The following ANK3 variants were observed in gnomAD, a reference collection of about 807,000 sequenced individuals.
ANK3 encodes the protein ankyrin 3, also known as ankyrin-3.
Under a neutral mutation model 370.9 loss-of-function variants are expected in ANK3, and 57 were observed. The ratio of observed to expected loss-of-function variants is 0.15; its 90% CI spans 0.12 to 0.19. The LOEUF (loss-of-function observed/expected upper bound fraction) is 0.19, where lower values mean the gene tolerates loss of function less well. Among genes scored for constraint, ANK3 ranks in the 10% least tolerant of loss-of-function variants. The probability of loss-of-function intolerance (pLI) is 1.00; values close to 1 mark genes in which losing one functional copy is unlikely to be tolerated. For missense variants in ANK3, 4,439 were observed against 5,302.1 expected, an observed-to-expected ratio of 0.84 and a Z score of 5.06; for synonymous variants, 1,929 against 1,946.3, an observed-to-expected ratio of 0.99 and a Z score of 0.23.
rs1368309459 is a variant in ANK3 at position 60,069,312 on chromosome 10, T to G, written c.11569A>C (p.Ile3857Leu). 1 of 1,614,172 alleles carries G rather than the reference T, an allele frequency of 6.2e-7. No individual in the cohort carries two copies. The highest frequency in any genetic ancestry group is 1.3e-5 in the African/African-American group (1 of 75,042). Residue 3857 changes from isoleucine (I) to leucine (L), a missense_variant, in exon 37 of 44, where the codon ATA becomes CTA. Around this residue, in one of 13 missense-constraint regions of ANK3, gnomAD observed 496 missense variants for 529.3 expected, o/e 0.94. Transcript: ENST00000280772. ...AGTTTGGATTTTTGCCTAATCCCTA[T>G]CAATTCCTTTGTTTTTTGCTGTTCT... The part of the protein sequence containing the change: ...LGEQQKTKEL[I>L]GIRQKSKLPI...
chr10:60,484,597 G>A (rs1337708045), intron 2 of ANK3, among the ~76,000 whole-genome samples: 3 of 152,060 alleles, frequency 2.0e-5, no homozygotes, highest in African/African-American at 7.2e-5. Flanking sequence ...ATTGAGTGAA[G>A]AGCCTGGTAA....
At chr10:60,116,745 C>A (rs781668426) in intron 25 of ANK3, among the ~76,000 whole-genome samples, 2 of 149,670 alleles carry the variant, frequency 1.3e-5, no homozygotes, top group Non-Finnish European at 3.0e-5. Context: ...TTCAAATCCT[C>A]CCCTCAGTCT....
At chr10:60,363,878 A>G (rs1316827227) in intron 1 of ANK3, among the ~76,000 whole-genome samples, 1 of 152,154 alleles carries the variant, frequency 6.6e-6, no homozygotes, top group African/African-American at 2.4e-5. Flanking sequence ...AAAACATCGT[A>G]AGTTTTTATA....
intron 1 of ANK3, among the ~76,000 whole-genome samples, chr10:60,388,744 T>A (rs948236568): frequency 3.9e-5 from 6 of 152,160 alleles, no homozygotes; most frequent in African/African-American, 1.2e-4. Flanking sequence ...GGTTGCAGGT[T>A]ACTGGAATTC....
intron 23 of ANK3, among the ~76,000 whole-genome samples, chr10:60,164,207 T>C (rs1466367350): frequency 2.6e-5 from 4 of 152,180 alleles, no homozygotes; most frequent in Non-Finnish European, 4.4e-5. Context: ...CAAATGTGGC[T>C]TACTAGAGCT....
chr10:60,584,824 C>T (rs1459033441), intron 2 of ANK3, among the ~76,000 whole-genome samples: 3 of 152,018 alleles, frequency 2.0e-5, no homozygotes, highest in Non-Finnish European at 2.9e-5. Flanking sequence ...ATTCCCAATC[C>T]AGTTTGACGA....
intron 9 of ANK3, among the ~76,000 whole-genome samples, chr10:60,211,947 T>C (rs2096863738): frequency 6.7e-6 from 1 of 148,922 alleles, no homozygotes; most frequent in African/African-American, 2.5e-5. Context: ...TTAGGGACAT[T>C]TGGGAAACAG....
At chr10:60,584,421 A>G (rs558828058) in intron 2 of ANK3, among the ~76,000 whole-genome samples, 2 of 149,082 alleles carry the variant, frequency 1.3e-5, no homozygotes, top group East Asian at 4.0e-4. Context: ...GGGTTCAAGG[A>G]CAGCCGAGGC....
chr10:60,387,114 C>T (rs2062479377), intron 1 of ANK3, among the ~76,000 whole-genome samples: 1 of 151,558 alleles, frequency 6.6e-6, no homozygotes, highest in African/African-American at 2.4e-5. Context: ...GAGCCGAGAT[C>T]ATGCCACTGC....
intron 2 of ANK3, among the ~76,000 whole-genome samples, chr10:60,608,880 C>T (rs1286784785): frequency 6.6e-6 from 1 of 152,120 alleles, no homozygotes; most frequent in African/African-American, 2.4e-5. Context: ...GAAACCTTGA[C>T]CCTTTTGAAA....
intron 20 of ANK3, among the ~76,000 whole-genome samples, 179 bp from the exon 21 acceptor site, chr10:60,172,582 G>A (rs2095821576): frequency 6.6e-6 from 1 of 152,226 alleles, no homozygotes; most frequent in Non-Finnish European, 1.5e-5. Context: ...AGCAAAGTCT[G>A]GGCAGCTACA....
At chr10:60,046,808 AT>A (rs10632318) in intron 42 of ANK3, among the ~76,000 whole-genome samples, 76 of 138,654 alleles carry the variant, frequency 5.5e-4, no homozygotes, top group African/African-American at 6.0e-4. Flanking sequence ...AGTAATCTCA[AT>A]TTTTTTTTTT....
chr10:60,537,786 T>C (rs1193366602), intron 2 of ANK3, among the ~76,000 whole-genome samples: 1 of 151,970 alleles, frequency 6.6e-6, no homozygotes, highest in East Asian at 1.9e-4. Flanking sequence ...TTGGAATATA[T>C]GGCTTATTGG....
chr10:60,647,566 A>C (rs979455334), intron 1 of ANK3, among the ~76,000 whole-genome samples: 21 of 151,898 alleles, frequency 1.4e-4, no homozygotes, highest in African/African-American at 4.3e-4. Context: ...AAGAATCTCA[A>C]TTTAAATAAA....
intron 43 of ANK3, among the ~76,000 whole-genome samples, chr10:60,035,822 G>A (rs571597995): frequency 4.0e-5 from 6 of 150,916 alleles, no homozygotes; most frequent in South Asian, 2.1e-4. Context: ...AAACCCCATC[G>A]CTACTAAAAA....
intron 2 of ANK3, among the ~76,000 whole-genome samples, chr10:60,502,937 C>T (rs1020544745): frequency 4.0e-5 from 6 of 150,078 alleles, no homozygotes; most frequent in African/African-American, 9.8e-5. Flanking sequence ...AGAAAAGGAA[C>T]GAAGGAAGGA....
At chr10:60,053,814 C>T in intron 42 of ANK3, 1 of 1,085,462 alleles carries the variant, frequency 9.2e-7, no homozygotes, top group Non-Finnish European at 1.2e-6. Flanking sequence ...TATGGTATAG[C>T]CACAAACGAT....
intron 1 of ANK3, among the ~76,000 whole-genome samples, chr10:60,376,962 T>C (rs2060868208): frequency 1.3e-5 from 2 of 152,220 alleles, no homozygotes; most frequent in Admixed American, 1.3e-4. Flanking sequence ...TGAAGAGGCA[T>C]AGTAAAACAG....
chr10:60,226,002 A>G (rs540580527), intron 8 of ANK3, among the ~76,000 whole-genome samples: 267 of 145,714 alleles, frequency 1.8e-3, no homozygotes, highest in African/African-American at 6.3e-3. Context: ...TAATTCCTAT[A>G]ATGTAATAAG....
Sources: allele counts gnomAD v4.1 joint callset (sites outside exome capture counted in the v4.1 genomes callset), GRCh38; gene constraint gnomAD v4.1.1; regional missense constraint gnomAD v4.1.1; transcripts MANE v1.5; gene names NCBI Gene and HGNC (gene_info 2026-07-23, HGNC 2026-07-21).